The following CD163L1 variants were observed in gnomAD, a reference collection of about 807,000 sequenced individuals.
The protein encoded by CD163L1 is scavenger receptor cysteine-rich type 1 protein M160.
In CD163L1, 124 loss-of-function variants were observed where a neutral mutation model predicts 165.4. The observed-to-expected ratio is 0.75, with a 90% CI of 0.65 to 0.87. The LOEUF is 0.87. Ranked by LOEUF, CD163L1 falls within the 40% of genes least tolerant of loss-of-function variation. The pLI, the probability that CD163L1 is intolerant of heterozygous loss-of-function variation, is 0.00. For missense variants in CD163L1, 1,525 were observed against 1,799.9 expected (o/e 0.85, Z 2.76); for synonymous variants, 585 against 662.2 (o/e 0.88, Z 1.79).
intron 18 of CD163L1, 43 bp downstream of exon 18, chr12:7,367,193 T>C: frequency 5.6e-6 from 7 of 1,239,860 alleles, no homozygotes; most frequent in Non-Finnish European, 8.1e-6. Flanking sequence ...TTCCTCATAT[T>C]CCCACCCTCT....
intron 4 of CD163L1, among the ~76,000 whole-genome samples, chr12:7,408,333 A>G (rs1948070424): frequency 6.6e-6 from 1 of 152,180 alleles, no homozygotes; most frequent in Admixed American, 6.5e-5. Context: ...TTACCACAGT[A>G]AGAATATAGA....
chr12:7,369,648 C>T lies in CD163L1; in HGVS notation c.3748G>A (p.Gly1250Arg). ...ITCEDRIRVR[G>R]GDTECSGRVE... The stretch of plus-strand genomic sequence containing the variant: ...CTCCCAGAGCACTCGGTGTCTCCTC[C>T]ACGCACTCTTATTCTATCTACAAAG... The change falls in exon 15 of 20, where the codon GGA becomes AGA. Residue 1250 changes from glycine to arginine, a missense_variant. Transcript: ENST00000313599. This position sits in a 1 kb window ranked among gnomAD's most constrained non-coding sequence, Gnocchi z 4.9. 1 of 1,613,784 alleles carries T rather than the reference C, an allele frequency of 6.2e-7. No homozygotes were observed.
intron 3 of CD163L1, 78 bp downstream of exon 3, chr12:7,433,296 A>T (rs760668149): frequency 7.5e-7 from 1 of 1,331,556 alleles, no homozygotes. Flanking sequence ...TAAAGTCATA[A>T]TAGAAACCCC....
At chr12:7,348,386 A>C (rs1217331296) in intron 4 of CD163L1, among the ~76,000 whole-genome samples, 1 of 152,216 alleles carries the variant, frequency 6.6e-6, no homozygotes, top group African/African-American at 2.4e-5. Flanking sequence ...AAGAGAATGG[A>C]ATATGGTTTA....
chr12:7,373,580 T>G lies in CD163L1; in HGVS notation c.3470A>C (p.Glu1157Ala). ...GCCCCAGGTCCCGTTATAGAAGACT[T>G]CCAATCTCCCAGCACAGCTCTCTGT... ...TETESCAGRL[E>A]VFYNGTWGSV... Residue 1157 changes from glutamate (E) to alanine (A), a missense_variant, in exon 14 of 20, where the codon GAA becomes GCA. Physicochemically the swap from Glu to Ala is moderately radical, Grantham distance 107 (BLOSUM62 -1). Coordinates refer to ENST00000313599, the MANE Select transcript of CD163L1 (RefSeq NM_174941.6). 6.2e-7 allele frequency: 1 copy of G among 1,614,008 alleles called. No homozygotes were observed. The highest frequency in any genetic ancestry group is 1.7e-4 in the Middle Eastern group (1 of 6,052).
At chr12:7,323,279 T>G in the CD163L1 span, 3 of 1,611,412 alleles carry the variant, frequency 1.9e-6, no homozygotes, top group African/African-American at 4.0e-5. Flanking sequence ...TAAACCAGGT[T>G]CAATGGGGAA....
the CD163L1 span, chr12:7,322,681 C>A: frequency 5.6e-4 from 596 of 1,061,012 alleles, 7 homozygotes; most frequent in South Asian, 7.9e-3. Context: ...CCAGTAGTTA[C>A]CAAAACTTGC....
chr12:7,394,090 CA>C (rs911766424), intron 8 of CD163L1, among the ~76,000 whole-genome samples: 2 of 133,182 alleles, frequency 1.5e-5, no homozygotes, highest in South Asian at 4.9e-4. Context: ...CGTATGGAAC[CA>C]AAAAAAAACA....
intron 14 of CD163L1, among the ~76,000 whole-genome samples, chr12:7,371,818 T>G (rs1214033964): frequency 2.0e-5 from 3 of 151,920 alleles, no homozygotes; most frequent in Non-Finnish European, 4.4e-5. Context: ...AAAATATTGC[T>G]AAATCAAAAG....
chr12:7,330,378 TTAATC>T, the CD163L1 span, among the ~76,000 whole-genome samples: 1 of 152,222 alleles, frequency 6.6e-6, no homozygotes, highest in African/African-American at 2.4e-5. Context: ...CTCAATATTC[TTAATC>T]TAGACAGTTT....
Position 7,403,841 on chromosome 12 carries a change from C to G in CD163L1, c.1102G>C (p.Glu368Gln), listed in dbSNP as rs772541831. 9.9e-6 allele frequency: 16 copies of G among 1,613,148 alleles called. No individual in the cohort carries two copies. In the South Asian group the frequency reaches 1.8e-4, roughly 18 times the overall value. Residue 368 changes from glutamate (E) to glutamine (Q), a missense_variant, in exon 6 of 20, where the codon GAA becomes CAA. Coordinates refer to ENST00000313599, the MANE Select transcript of CD163L1 (RefSeq NM_174941.6). ...TTACTTCCATCTGCTAGTCGCAGTT[C>G]CAAATCTGCTCCATCTAGGATGAAG... ...SVICSDGADL[E>Q]LRLADGSNNC...
At chr12:7,437,182 T>C (rs939347139) in intron 2 of CD163L1, among the ~76,000 whole-genome samples, 3 of 39,972 alleles carry the variant, frequency 7.5e-5, no homozygotes, top group African/African-American at 7.4e-4. Flanking sequence ...GTATTACTTT[T>C]ATTTTTATTT....
intron 2 of CD163L1, among the ~76,000 whole-genome samples, chr12:7,440,310 G>A (rs1229531323): frequency 6.6e-6 from 1 of 151,456 alleles, no homozygotes; most frequent in Non-Finnish European, 1.5e-5. Context: ...TGCCGCGCCC[G>A]GGCAGGGACC....
rs758490997 is a variant in CD163L1, at chr12:7,414,033, G to T, written c.767-7181C>A. On this transcript the variant is annotated intron_variant, in intron 4 of 19. Coordinates refer to ENST00000313599, the MANE Select transcript of CD163L1 (RefSeq NM_174941.6). ...AATGACTTATTCAAATGGAAAAACA[G>T]AAACACCAAGGCTTCAAAAAACACA... Among the ~76,000 whole-genome samples the T allele has an allele frequency of 3.3e-5, 5 of 152,148 alleles. No homozygotes were observed. In the South Asian group the frequency reaches 1.0e-3, roughly 32 times the overall value.
At chr12:7,391,901 C>T (rs879259857) in intron 8 of CD163L1, among the ~76,000 whole-genome samples, 1 of 152,164 alleles carries the variant, frequency 6.6e-6, no homozygotes. Flanking sequence ...GCACCCAATA[C>T]AGGAGCACTC....
the CD163L1 span, among the ~76,000 whole-genome samples, chr12:7,332,895 C>T: frequency 1.3e-5 from 2 of 152,190 alleles, no homozygotes; most frequent in African/African-American, 4.8e-5. Flanking sequence ...AAATAACCAG[C>T]TAACATCATA....
In CD163L1 at chr12:7,433,596, C is replaced by T. The variant is rs1372828364; in HGVS notation, c.223G>A (p.Asp75Asn). ...GTTGAGGCAGTAGTGTTCCACCCAT[C>T]ATCACACACAGTCCCCCACTGTCCC... ...FQGQWGTVCD[D>N]GWNTTASTVV... Residue 75 changes from aspartate (D) to asparagine (N), a missense_variant, in exon 3 of 20, where the codon GAT becomes AAT. Asp to Asn is a conservative substitution (Grantham distance 23, BLOSUM62 1). Coordinates refer to ENST00000313599, the MANE Select transcript of CD163L1 (RefSeq NM_174941.6). The T allele has an allele frequency of 6.2e-7, 1 of 1,614,202 alleles. No individual in the cohort carries two copies. The highest frequency in any genetic ancestry group is 8.5e-7 in the Non-Finnish European group (1 of 1,180,026).
Position 7,432,658 on chromosome 12 carries a change from C to CT in CD163L1, c.523dup (p.Arg175LysfsTer7). ...CCCATCATCACATATAGTTCCCCAC[C>CT]TTTCTTGGAATTTCACCTCCACTCT... is the stretch of plus-strand genomic sequence containing the variant. On this transcript the variant is annotated frameshift_variant, in exon 4 of 20. Coordinates refer to ENST00000313599, the MANE Select transcript of CD163L1 (RefSeq NM_174941.6). LOFTEE classifies it high-confidence loss of function. The surrounding 1 kb of genome is among the most constrained non-coding windows in gnomAD (Gnocchi z 4.2). 6.2e-7 allele frequency: 1 copy of CT among 1,614,062 alleles called. No homozygotes were observed. Among genetic ancestry groups the CT allele is most frequent in the Non-Finnish European group, 8.5e-7 (1 of 1,180,016 alleles).
At chr12:7,363,778 T>C (rs761368651) in intron 18 of CD163L1, among the ~76,000 whole-genome samples, 6 of 54,558 alleles carry the variant, frequency 1.1e-4, no homozygotes, top group African/African-American at 3.7e-4. Context: ...ATCAAAGCCA[T>C]AATAATAATA....
Sources: allele counts gnomAD v4.1 joint callset (sites outside exome capture counted in the v4.1 genomes callset), GRCh38; gene constraint gnomAD v4.1.1; non-coding constraint Gnocchi (gnomAD v3.1); transcripts MANE v1.5; gene names NCBI Gene and HGNC (gene_info 2026-07-23, HGNC 2026-07-21).